Variants in ADNP observed in about 807,000 individuals in gnomAD.
ADNP encodes activity-dependent neuroprotector homeobox protein.
ADNP carries 4 observed loss-of-function variants against 84.9 expected under a neutral mutation model. That is an observed-to-expected ratio of 0.05 (90% confidence interval 0.02 to 0.11). ADNP has a LOEUF of 0.11. Among genes scored for constraint, ADNP ranks in the 10% least tolerant of loss-of-function variants. The pLI is 1.00. For missense variants in ADNP, 1,132 were observed against 1,326.0 expected (o/e 0.85, Z 2.27); for synonymous variants, 554 against 468.1 (o/e 1.18, Z -2.37).
chr20:50,922,169 G>A (rs1003245270), intron 2 of ADNP, among the ~76,000 whole-genome samples: 1 of 152,176 alleles, frequency 6.6e-6, no homozygotes, highest in Non-Finnish European at 1.5e-5. Context: ...TCGTGAAGTT[G>A]TCTTCTGTGA....
At chr20:50,922,241 C>T (rs1984002582) in intron 2 of ADNP, among the ~76,000 whole-genome samples, 1 of 151,712 alleles carries the variant, frequency 6.6e-6, no homozygotes, top group South Asian at 2.1e-4. Context: ...TAATTTGGTT[C>T]TGACACTGTC....
At chr20:50,900,654 T>C (rs942188357) in intron 5 of ADNP, among the ~76,000 whole-genome samples, 3 of 152,352 alleles carry the variant, frequency 2.0e-5, no homozygotes, top group Middle Eastern at 3.4e-3. Context: ...ATGTGGTGAA[T>C]GACTGCGGTA....
At chr20:50,905,096 T>C (rs935897127) in intron 2 of ADNP, 7 of 152,192 alleles carry the variant, frequency 4.6e-5, no homozygotes, top group Admixed American at 6.5e-5. Context: ...TTTAATGACC[T>C]AATACATTAA....
rs1368424127 is a variant in ADNP at position 50,931,397 on chromosome 20, AG to A, written c.-837del. On this transcript the variant is annotated 5_prime_UTR_variant, in exon 1 of 6. Transcript: ENST00000621696. The stretch of plus-strand genomic sequence containing the variant: ...CAGACAATACAAGCGCCTCGGACCG[AG>A]TCCCCGAACCTGCCCTAGCCAAAAT... 6.6e-6 allele frequency: 1 copy of A among 152,480 alleles called. No homozygotes were observed. The highest frequency in any genetic ancestry group is 1.5e-5 in the Non-Finnish European group (1 of 68,332). 9.4% of individuals were successfully genotyped at this position (152,480 alleles called of 1,614,324 possible). A position where few individuals can be genotyped will look rare whatever the true frequency, so the allele number is the denominator to read the frequency against.
At chr20:50,894,661 G>A in intron 5 of ADNP, 149 bp from the exon 6 acceptor site, 2 of 807,606 alleles carry the variant, frequency 2.5e-6, no homozygotes, top group East Asian at 5.7e-5. Flanking sequence ...TTGGGAGGCT[G>A]AGGTGGGTGG....
At chr20:50,925,358 C>G (rs916070075) in intron 2 of ADNP, among the ~76,000 whole-genome samples, 4 of 151,968 alleles carry the variant, frequency 2.6e-5, no homozygotes, top group Admixed American at 6.6e-5. Context: ...AGAGCCTTCT[C>G]ATTCCAGTGA....
intron 2 of ADNP, among the ~76,000 whole-genome samples, chr20:50,918,439 A>AT (rs1491442427): frequency 2.3e-4 from 35 of 152,262 alleles, no homozygotes; most frequent in African/African-American, 8.2e-4. Context: ...TAATCATTTA[A>AT]TATGAGTGGT....
chr20:50,890,869 A>G lies in ADNP; in HGVS notation c.*536T>C. The G allele has an allele frequency of 1.0e-6, 1 of 959,360 alleles. No homozygotes were observed. Among genetic ancestry groups the G allele is most frequent in the Non-Finnish European group, 1.2e-6 (1 of 805,936 alleles). The allele number at this position is 959,360 out of a possible 1,614,324, so 59.4% of individuals were successfully genotyped here. ...GCGTTTATTACACAGCAAGGGCAAC[A>G]CTAAAAAAAGAAATCTATGATGGGC... is the stretch of plus-strand genomic sequence containing the variant. On this transcript the variant is annotated 3_prime_UTR_variant, in exon 6 of 6. Transcript: ENST00000621696.
intron 5 of ADNP, among the ~76,000 whole-genome samples, chr20:50,897,860 A>G (rs1343839930): frequency 3.3e-5 from 5 of 152,224 alleles, no homozygotes; most frequent in South Asian, 2.1e-4. Context: ...CTTCGCAGGC[A>G]TATCTATTCA....
chr20:50,907,721 A>C (rs915176784), intron 2 of ADNP, among the ~76,000 whole-genome samples: 5 of 151,782 alleles, frequency 3.3e-5, no homozygotes, highest in Non-Finnish European at 7.4e-5. Context: ...CTGGGACTAC[A>C]GGTGCACACT....
rs1315270023 is a variant in ADNP, at chr20:50,928,778, T to A, written c.-217A>T. ...AGTACAAAAAGTACAACCCTGCGCA[T>A]CATGGTGTAAAAGCTGGGGCCTAGG... On this transcript the variant is annotated 5_prime_UTR_variant, in exon 2 of 6. The change abolishes an upstream ATG in the 5' untranslated region. Transcript: ENST00000621696. 6.6e-6 allele frequency: 1 copy of A among 152,210 alleles called. No individual in the cohort carries two copies. Among genetic ancestry groups the A allele is most frequent in the Non-Finnish European group, 1.5e-5 (1 of 68,058 alleles). The allele number at this position is 152,210 out of a possible 1,614,324, so 9.4% of individuals were successfully genotyped here.
chr20:50,931,260 G>GA lies in ADNP; in HGVS notation c.-700_-699insT, dbSNP rs1175662530. On this transcript the variant is annotated 5_prime_UTR_variant, in exon 1 of 6. Coordinates refer to ENST00000621696, the MANE Select transcript of ADNP (RefSeq NM_001282531.3). ...CAAGATGGCGGCGGCCGGGGGGGGGGGGGCGGGAGTTCAGCTCATGGATCC... is the reference window on the plus strand; with the variant it reads ...CAAGATGGCGGCGGCCGGGGGGGGGGAGGGCGGGAGTTCAGCTCATGGATCC... 9.7e-6 allele frequency: 1 copy of GA among 103,360 alleles called. No homozygotes were observed. Among genetic ancestry groups the GA allele is most frequent in the Non-Finnish European group, 2.1e-5 (1 of 48,054 alleles). 6.4% of individuals were successfully genotyped at this position (103,360 alleles called of 1,614,324 possible).
At chr20:50,920,290 A>T (rs1983867128) in intron 2 of ADNP, among the ~76,000 whole-genome samples, 1 of 148,502 alleles carries the variant, frequency 6.7e-6, no homozygotes, top group Non-Finnish European at 1.5e-5. Flanking sequence ...AAAAAGAAAG[A>T]AAGAAAGAAA....
rs80122000 is a variant in ADNP, at chr20:50,918,966, T to C, written c.-90+9685A>G. Among the ~76,000 whole-genome samples the C allele has an allele frequency of 6.8e-3, 1,042 of 152,288 alleles. 23 individuals carry two copies. Among genetic ancestry groups the C allele is most frequent in the African/African-American group, 0.023 (960 of 41,544 alleles). On this transcript the variant is annotated intron_variant, in intron 2 of 5. Transcript: ENST00000621696. The stretch of plus-strand genomic sequence containing the variant: ...CCTACCAATTATACAAAAATTATAA[T>C]CACACTGTGACTTAAAAGTTTTATT...
In ADNP at chr20:50,894,475, G is replaced by A; in HGVS notation, c.239C>T (p.Pro80Leu). The change falls in exon 6 of 6, where the codon CCA (proline) becomes CTA (leucine). Residue 80 changes from proline to leucine, a missense_variant. Coordinates refer to ENST00000621696, the MANE Select transcript of ADNP (RefSeq NM_001282531.3). Reference sequence around the variant, plus strand: ...GGCAGAGAAGAATTTTGAGGAAAATGGACAAGCGCTGCAGCAGAAAGGTTT... The same window carrying A: ...GGCAGAGAAGAATTTTGAGGAAAATAGACAAGCGCTGCAGCAGAAAGGTTT... ...RTKPFCCSAC[P>L]FSSKFFSAYK... is the part of the protein sequence containing the mutation. The A allele has an allele frequency of 6.2e-7, 1 of 1,605,260 alleles. No individual in the cohort carries two copies. The highest frequency in any genetic ancestry group is 8.5e-7 in the Non-Finnish European group (1 of 1,177,702).
chr20:50,905,690 A>AG (rs1982409485), intron 2 of ADNP: 1 of 152,248 alleles, frequency 6.6e-6, no homozygotes, highest in South Asian at 2.1e-4. Context: ...ATCATACTCA[A>AG]GATAGAATTG....
chr20:50,907,053 C>T (rs1038089493), intron 2 of ADNP, among the ~76,000 whole-genome samples: 21 of 150,064 alleles, frequency 1.4e-4, no homozygotes, highest in African/African-American at 4.4e-4. Flanking sequence ...CTGCAAGCTC[C>T]GCCTCCCAGG....
chr20:50,897,356 A>C (rs1981511803), intron 5 of ADNP, among the ~76,000 whole-genome samples: 1 of 151,748 alleles, frequency 6.6e-6, no homozygotes, highest in African/African-American at 2.4e-5. Flanking sequence ...TTTCCTCTTC[A>C]CCTATGCGGG....
In ADNP at chr20:50,903,469, T is replaced by C. The variant is rs571874965; in HGVS notation, c.108+420A>G. 9.2e-5 allele frequency among the ~76,000 whole-genome samples: 14 copies of C among 152,226 alleles called. No individual in the cohort carries two copies. In the South Asian group the frequency reaches 2.9e-3, roughly 32 times the overall value. On this transcript the variant is annotated intron_variant, in intron 4 of 5. Transcript: ENST00000621696. ...AATTAGAAGAAGGTCAACCAGAACA[T>C]TCAGGCGTATCAGAATGAGAACAGG...
Sources: allele counts gnomAD v4.1 joint callset (sites outside exome capture counted in the v4.1 genomes callset), GRCh38; gene constraint gnomAD v4.1.1; transcripts MANE v1.5; gene names NCBI Gene and HGNC (gene_info 2026-07-23, HGNC 2026-07-21).